Variants in ITPKB observed in about 807,000 individuals in gnomAD.
The protein encoded by ITPKB is inositol-trisphosphate 3-kinase B, also known as IP3 3-kinase B.
In ITPKB, 13 loss-of-function variants were observed where a neutral mutation model predicts 69.4. The observed-to-expected ratio is 0.19, with a 90% confidence interval of 0.12 to 0.30. The LOEUF is 0.30. Ranked by LOEUF, ITPKB falls within the 10% of genes least tolerant of loss-of-function variation. The pLI, the probability that ITPKB is intolerant of heterozygous loss-of-function variation, is 1.00. For missense variants in ITPKB, 1,240 were observed against 1,250.5 expected (o/e 0.99, Z 0.13); for synonymous variants, 584 against 513.7 (o/e 1.14, Z -1.85).
At chr1:226,676,555 T>G (rs947171326) in intron 2 of ITPKB, among the ~76,000 whole-genome samples, 11 of 152,322 alleles carry the variant, frequency 7.2e-5, no homozygotes, top group South Asian at 4.1e-4. Context: ...TAACAAGACA[T>G]GCCCTTCCCG....
chr1:226,713,002 C>T (rs909777827), intron 2 of ITPKB, among the ~76,000 whole-genome samples: 1 of 152,144 alleles, frequency 6.6e-6, no homozygotes, highest in Non-Finnish European at 1.5e-5. Context: ...TATCTACACC[C>T]ATACATGCAT....
At chr1:226,684,180 C>CA (rs1656148989) in intron 2 of ITPKB, among the ~76,000 whole-genome samples, 2 of 152,064 alleles carry the variant, frequency 1.3e-5, no homozygotes, top group Non-Finnish European at 2.9e-5. Flanking sequence ...AGGAACAAAA[C>CA]GAAGGGGAAG....
At chr1:226,707,868 G>T (rs746029729) in intron 2 of ITPKB, 3 of 1,297,700 alleles carry the variant, frequency 2.3e-6, no homozygotes, top group Non-Finnish European at 3.0e-6. Context: ...CTTGGTATTG[G>T]ACGTTGCCCC....
In ITPKB at chr1:226,670,380, C is replaced by T. The variant is rs1039898409; in HGVS notation, c.1933-21609G>A. Among the ~76,000 whole-genome samples, 6 of 152,020 alleles carry T rather than the reference C, an allele frequency of 3.9e-5. No homozygotes were observed. The East Asian group carries it at 5.8e-4, about 15-fold the overall frequency. On this transcript the variant is annotated intron_variant, in intron 2 of 7. Coordinates refer to ENST00000429204, the MANE Select transcript of ITPKB (RefSeq NM_002221.4). ...AGTTATTTATTTTACCTCTGGAAAT[C>T]TACTTAAGGAAATACTCCAAAAAAC... is the stretch of plus-strand genomic sequence containing the variant.
intron 2 of ITPKB, among the ~76,000 whole-genome samples, chr1:226,698,847 CAT>C (rs1288073746): frequency 1.1e-4 from 17 of 152,240 alleles, no homozygotes; most frequent in Admixed American, 1.1e-3. Flanking sequence ...CTACCCTGGT[CAT>C]ATCTCAGGCT....
At chr1:226,727,388 G>A (rs2102647677) in intron 2 of ITPKB, among the ~76,000 whole-genome samples, 1 of 152,326 alleles carries the variant, frequency 6.6e-6, no homozygotes, top group South Asian at 2.1e-4. Context: ...GCCTGGGGGT[G>A]CAGTGACCTC....
At position 226,634,731 on chromosome 1, in the gene ITPKB, C is replaced by G. The variant is rs758191243; in HGVS notation, c.2781G>C (p.Ser927=). 2 of 1,124,326 alleles carry G rather than the reference C, an allele frequency of 1.8e-6. No homozygotes were observed. The highest frequency in any genetic ancestry group is 4.7e-5 in the East Asian group (2 of 42,640). 69.6% of individuals were successfully genotyped at this position (1,124,326 alleles called of 1,614,324 possible). Residue 927 remains serine, a synonymous_variant, in exon 8 of 8, where the codon TCG becomes TCC. Coordinates refer to ENST00000429204, the MANE Select transcript of ITPKB (RefSeq NM_002221.4). This position sits in a 1 kb window ranked among gnomAD's most constrained non-coding sequence, Gnocchi z 6.3. ...QEGNREDGYL[S]GLNNLVDILT... is the part of the protein sequence containing the mutation. ...GGATGTCGACGAGGTTATTGAGCCC[C>G]GAGAGGTAGCCATCCTCCCGGTTCC...
chr1:226,679,017 C>A (rs1015213966), intron 2 of ITPKB, among the ~76,000 whole-genome samples: 2 of 152,208 alleles, frequency 1.3e-5, no homozygotes, highest in Admixed American at 1.3e-4. Context: ...CTGACGCCAG[C>A]ACTCAGGCTA....
At chr1:226,721,142 G>A (rs1250730852) in intron 2 of ITPKB, among the ~76,000 whole-genome samples, 7 of 150,630 alleles carry the variant, frequency 4.6e-5, no homozygotes, top group Non-Finnish European at 1.5e-5. Flanking sequence ...TCGGGAGTTC[G>A]AGCCCAACCT....
rs1294104577 is a variant in ITPKB, at chr1:226,633,486, C to T, written c.*1185G>A. The T allele has an allele frequency of 2.0e-5, 3 of 152,232 alleles. No individual in the cohort carries two copies. Among genetic ancestry groups the T allele is most frequent in the African/African-American group, 7.2e-5 (3 of 41,448 alleles). 9.4% of individuals were successfully genotyped at this position (152,232 alleles called of 1,614,324 possible). A position where few individuals can be genotyped will look rare whatever the true frequency, so the allele number is the denominator to read the frequency against. ...AAATTGGGCTTAAATAGGTTCTCCA[C>T]GAATCTCCAAATGCAGAGACTTCAG... On this transcript the variant is annotated 3_prime_UTR_variant, in exon 8 of 8. Coordinates refer to ENST00000429204, the MANE Select transcript of ITPKB (RefSeq NM_002221.4).
chr1:226,724,353 A>AG (rs375509720), intron 2 of ITPKB, among the ~76,000 whole-genome samples: 33 of 152,284 alleles, frequency 2.2e-4, no homozygotes, highest in African/African-American at 7.2e-4. Flanking sequence ...TCCTCTTCCA[A>AG]GGGAAGAAGT....
intron 5 of ITPKB, 30 bp from the exon 6 acceptor site, chr1:226,639,688 G>GTCCCTGCTGACCCCCTCCT: frequency 1.4e-6 from 2 of 1,437,584 alleles, no homozygotes; most frequent in Non-Finnish European, 2.0e-6. Flanking sequence ...ACCCAGGAGG[G>GTCCCTGCTGACCCCCTCCT]GGTCAGCAGG....
intron 2 of ITPKB, among the ~76,000 whole-genome samples, chr1:226,658,250 A>G (rs1336595168): frequency 4.6e-5 from 7 of 152,166 alleles, no homozygotes; most frequent in Admixed American, 1.3e-4. Flanking sequence ...TAGGCTGCAG[A>G]GTGGAGGCGG....
intron 2 of ITPKB, chr1:226,668,825 A>T (rs1158138151): frequency 6.6e-6 from 1 of 152,250 alleles, no homozygotes; most frequent in African/African-American, 2.4e-5. Context: ...ATCAGTATTT[A>T]CGAAGTCTGA....
At chr1:226,644,362 C>T (rs1289500196) in intron 4 of ITPKB, among the ~76,000 whole-genome samples, 5 of 152,288 alleles carry the variant, frequency 3.3e-5, no homozygotes, top group Admixed American at 2.6e-4. Flanking sequence ...ACTCACAGGA[C>T]GCTGGGGGAG....
chr1:226,729,680 G>C (rs1249907676), intron 2 of ITPKB, among the ~76,000 whole-genome samples: 2 of 151,948 alleles, frequency 1.3e-5, no homozygotes, highest in African/African-American at 2.4e-5. Context: ...CTGGGTTCAA[G>C]TGGTTCTCCT....
chr1:226,644,741 T>G (rs566987353), intron 4 of ITPKB, among the ~76,000 whole-genome samples: 22 of 152,306 alleles, frequency 1.4e-4, no homozygotes, highest in African/African-American at 5.1e-4. Context: ...TGTCTCAAAC[T>G]CTCTTGCCCT....
chr1:226,731,666 G>C (rs1657591920), intron 2 of ITPKB, among the ~76,000 whole-genome samples: 1 of 152,024 alleles, frequency 6.6e-6, no homozygotes. Flanking sequence ...GGTTCCCTTT[G>C]ACTTTCTGAG....
At chr1:226,707,874 G>T (rs745562458) in intron 2 of ITPKB, 6 of 1,305,346 alleles carry the variant, frequency 4.6e-6, no homozygotes, top group Non-Finnish European at 6.0e-6. Flanking sequence ...ATTGGACGTT[G>T]CCCCAGCAGT....
Sources: gnomAD v4.1 joint callset for allele counts (sites outside exome capture counted in the v4.1 genomes callset) on GRCh38, gnomAD v4.1.1 for gene constraint, Gnocchi (gnomAD v3.1) non-coding constraint, MANE v1.5 for transcripts, NCBI Gene and HGNC (gene_info 2026-07-23, HGNC 2026-07-21) for gene names.